LAMP1: variants seen among roughly 807,000 people sequenced by gnomAD.
LAMP1 encodes the protein lysosome-associated membrane glycoprotein 1.
Under a neutral mutation model 37.5 loss-of-function variants are expected in LAMP1, and 7 were observed. The observed-to-expected ratio is 0.19, with a 90% CI of 0.11 to 0.35. The LOEUF is 0.35. LAMP1 is among the 10% of genes least tolerant of loss of function. LAMP1 has a pLI of 1.00. For missense variants in LAMP1, 537 were observed against 552.8 expected, an observed-to-expected ratio of 0.97 and a Z score of 0.29; for synonymous variants, 236 against 229.1, an observed-to-expected ratio of 1.03 and a Z score of -0.27.
chr13:113,312,905 T>C (rs908367968), intron 4 of LAMP1, among the ~76,000 whole-genome samples: 1 of 152,112 alleles, frequency 6.6e-6, no homozygotes, highest in Non-Finnish European at 1.5e-5. Flanking sequence ...TGGGGGTGAC[T>C]AGTGTTCACG....
intron 4 of LAMP1, among the ~76,000 whole-genome samples, 170 bp downstream of exon 4, chr13:113,311,037 G>A (rs968843212): frequency 6.6e-6 from 1 of 152,172 alleles, no homozygotes; most frequent in African/African-American, 2.4e-5. Flanking sequence ...CCTAGGGCAG[G>A]TGACTTGTAG....
At chr13:113,311,576 G>T (rs904396254) in intron 4 of LAMP1, among the ~76,000 whole-genome samples, 1 of 152,162 alleles carries the variant, frequency 6.6e-6, no homozygotes, top group African/African-American at 2.4e-5. Flanking sequence ...AGGGACAGGT[G>T]CAGAAAGACC....
intron 4 of LAMP1, among the ~76,000 whole-genome samples, chr13:113,319,251 A>G (rs1043316442): frequency 5.3e-5 from 8 of 152,156 alleles, no homozygotes; most frequent in African/African-American, 1.9e-4. Context: ...AGGGTGCCCC[A>G]CGGGCCTGTG....
rs2042599127 is a variant in LAMP1 at position 113,306,503 on chromosome 13, C to T, written c.80C>T (p.Ser27Leu). The change falls in exon 2 of 9, where the codon TCA becomes TTA. Residue 27 changes from serine (S) to leucine (L), a missense_variant. Transcript: ENST00000332556. ...LLLLGLMHCA[S>L]AAMFMVKNGN... ...TTGACAGGCCTCATGCATTGTGCGT[C>T]AGCAGCAATGTTTATGGTGAAAAAT... is the stretch of plus-strand genomic sequence containing the variant. 6.2e-7 allele frequency: 1 copy of T among 1,613,888 alleles called. No homozygotes were observed.
At position 113,321,078 on chromosome 13, in the gene LAMP1, G is replaced by T. The variant is rs2042696423; in HGVS notation, c.877-326G>T. ...CACCTGTGGTCCCAGCTACTTGGGA[G>T]GCTGAGGTGGGAGGATCACTTGAGC... On this transcript the variant is annotated intron_variant, in intron 6 of 8. Coordinates refer to ENST00000332556, the MANE Select transcript of LAMP1 (RefSeq NM_005561.4). This position sits in a 1 kb window ranked among gnomAD's most constrained non-coding sequence, Gnocchi z 5.6. 1 of 341,300 alleles carries T rather than the reference G, an allele frequency of 2.9e-6. No individual in the cohort carries two copies. The allele number at this position is 341,300 out of a possible 1,614,324, so 21.1% of individuals were successfully genotyped here.
chr13:113,321,610 G>C lies in LAMP1; in HGVS notation c.997G>C (p.Gly333Arg). The C allele has an allele frequency of 1.9e-6, 3 of 1,614,148 alleles. No individual in the cohort carries two copies. The East Asian group carries it at 6.7e-5, about 36-fold the overall frequency. The change falls in exon 8 of 9, where the codon GGC becomes CGC. Residue 333 changes from glycine (G) to arginine (R), a missense_variant. Gly to Arg is a moderately radical substitution (Grantham distance 125). Coordinates refer to ENST00000332556, the MANE Select transcript of LAMP1 (RefSeq NM_005561.4). This position sits in a 1 kb window ranked among gnomAD's most constrained non-coding sequence, Gnocchi z 5.6. ...GSLRALQATV[G>R]NSYKCNAEEH... Reference sequence around the variant, plus strand: ...CCTGCGAGCGCTGCAGGCCACAGTCGGCAATTCCTACAAGTGCAACGCGGA... The same window carrying C: ...CCTGCGAGCGCTGCAGGCCACAGTCCGCAATTCCTACAAGTGCAACGCGGA...
chr13:113,322,429 C>G lies in LAMP1; in HGVS notation c.*8C>G, dbSNP rs758043762. ...GGCTACCAGACTATCTAGCCTGGTG[C>G]ACGCAGGCACAGCAGCTGCAGGGGC... On this transcript the variant is annotated 3_prime_UTR_variant, in exon 9 of 9. Coordinates refer to ENST00000332556, the MANE Select transcript of LAMP1 (RefSeq NM_005561.4). The G allele has an allele frequency of 6.2e-7, 1 of 1,600,892 alleles. No individual in the cohort carries two copies. Among genetic ancestry groups the G allele is most frequent in the African/African-American group, 1.3e-5 (1 of 74,628 alleles).
chr13:113,299,811 G>A (rs1168023382), intron 1 of LAMP1, among the ~76,000 whole-genome samples: 2 of 151,340 alleles, frequency 1.3e-5, no homozygotes, highest in African/African-American at 4.9e-5. Flanking sequence ...TGATCCACCT[G>A]CCTCAGACTC....
At chr13:113,317,251 G>A (rs766947982) in intron 4 of LAMP1, among the ~76,000 whole-genome samples, 24 of 152,106 alleles carry the variant, frequency 1.6e-4, no homozygotes, top group African/African-American at 2.2e-4. Flanking sequence ...ATCTCCCCCC[G>A]GGCAGCGCAG....
At chr13:113,311,109 G>A in intron 4 of LAMP1, among the ~76,000 whole-genome samples, 1 of 152,182 alleles carries the variant, frequency 6.6e-6, no homozygotes, top group East Asian at 1.9e-4. Flanking sequence ...TCCCGGGACA[G>A]AGACAGATGT....
chr13:113,306,415 G>A (rs1487425241), intron 1 of LAMP1, 70 bp from the exon 2 acceptor site: 10 of 1,538,592 alleles, frequency 6.5e-6, no homozygotes, highest in Non-Finnish European at 8.9e-6. Context: ...TACAGCTGTG[G>A]AAAATGGAAA....
In LAMP1 at chr13:113,301,858, C is replaced by CTTTTTTTTTTTTTTT. The variant is rs539321614; in HGVS notation, c.61+4371_61+4385dup. Among the ~76,000 whole-genome samples the CTTTTTTTTTTTTTTT allele has an allele frequency of 1.2e-4, 9 of 74,314 alleles. 1 individual carries two copies. Among genetic ancestry groups the CTTTTTTTTTTTTTTT allele is most frequent in the Admixed American group, 7.4e-4 (4 of 5,442 alleles). 48.8% of individuals were successfully genotyped at this position (74,314 alleles called of 152,430 possible). A position where few individuals can be genotyped will look rare whatever the true frequency, so the allele number is the denominator to read the frequency against. ...GCCAAGAAAAACTAAGATGTGATTT[C>CTTTTTTTTTTTTTTT]TTTTTTTTTTTTTTTTTTTTTTGAG... On this transcript the variant is annotated intron_variant, in intron 1 of 8. Transcript: ENST00000332556.
intron 4 of LAMP1, among the ~76,000 whole-genome samples, chr13:113,313,461 G>T (rs1283491675): frequency 6.6e-6 from 1 of 152,220 alleles, no homozygotes; most frequent in Non-Finnish European, 1.5e-5. Context: ...ATTCCAAATG[G>T]AAAAAGGCCC....
At position 113,306,541 on chromosome 13, in the gene LAMP1, G is replaced by A. The variant is rs768499433; in HGVS notation, c.118G>A (p.Ala40Thr). 30 of 1,613,942 alleles carry A rather than the reference G, an allele frequency of 1.9e-5. No homozygotes were observed. Among genetic ancestry groups the A allele is most frequent in the East Asian group, 4.5e-5 (2 of 44,888 alleles). ...MFMVKNGNGT[A>T]CIMANFSAAF... ...TATGGTGAAAAATGGCAACGGGACC[G>A]CGTGCATAATGGCCAACTTCTCTGC... is the stretch of plus-strand genomic sequence containing the variant. The change falls in exon 2 of 9, where the codon GCG becomes ACG. Residue 40 changes from alanine (A) to threonine (T), a missense_variant. By Grantham distance (58) the Ala-to-Thr change is moderately conservative. Coordinates refer to ENST00000332556, the MANE Select transcript of LAMP1 (RefSeq NM_005561.4).
At chr13:113,314,439 C>G (rs1257864214) in intron 4 of LAMP1, among the ~76,000 whole-genome samples, 6 of 68,512 alleles carry the variant, frequency 8.8e-5, no homozygotes, top group African/African-American at 2.4e-4. Context: ...TGGAGATGCC[C>G]GTGTGCCTGG....
At position 113,301,641 on chromosome 13, in the gene LAMP1, AAAAATATATATATATAT is replaced by A. The variant is rs1385262034; in HGVS notation, c.61+4148_61+4164del. On this transcript the variant is annotated intron_variant, in intron 1 of 8. Transcript: ENST00000332556. ...CTGTTTCCATTTAAAAAAAAAAAAA[AAAAATATATATATATAT>A]ATATATATATATATATATATATATA... 1.5e-3 allele frequency among the ~76,000 whole-genome samples: 45 copies of A among 30,424 alleles called. 1 individual carries two copies. The highest frequency in any genetic ancestry group is 6.8e-3 in the African/African-American group (42 of 6,148). The allele number at this position is 30,424 out of a possible 152,430, so 20.0% of individuals were successfully genotyped here.
intron 2 of LAMP1, among the ~76,000 whole-genome samples, chr13:113,307,742 G>A (rs1209418333): frequency 6.7e-6 from 1 of 149,970 alleles, no homozygotes; most frequent in African/African-American, 2.5e-5. Flanking sequence ...AAAGCCTTTT[G>A]GAATAACAAA....
rs2139364229 is a variant in LAMP1, at chr13:113,309,636, A to G, written c.184-7A>G. Reference sequence around the variant, plus strand: ...AATTGGGTTACATTTAATTGTGTTTATTCTAGAACATGACCTTTGACCTGC... The same window carrying G: ...AATTGGGTTACATTTAATTGTGTTTGTTCTAGAACATGACCTTTGACCTGC... On this transcript the variant is annotated splice_polypyrimidine_tract_variant and splice_region_variant and intron_variant, in intron 2 of 8. Transcript: ENST00000332556. 4 of 1,605,580 alleles carry G rather than the reference A, an allele frequency of 2.5e-6. No individual in the cohort carries two copies. Among genetic ancestry groups the G allele is most frequent in the African/African-American group, 1.3e-5 (1 of 74,816 alleles).
Position 113,321,514 on chromosome 13 carries a change from C to T in LAMP1, c.944-43C>T. 1.2e-6 allele frequency: 2 copies of T among 1,613,972 alleles called. No individual in the cohort carries two copies. The highest frequency in any genetic ancestry group is 1.7e-6 in the Non-Finnish European group (2 of 1,179,824). On this transcript the variant is annotated intron_variant, in intron 7 of 8. Transcript: ENST00000332556. The surrounding 1 kb of genome is among the most constrained non-coding windows in gnomAD (Gnocchi z 5.6). ...TGCGAGCCCCGCCCCCGCCCGCGCG[C>T]CCAGGGTATTCTGGAGCCACTAGAC...
Sources: allele counts gnomAD v4.1 joint callset (sites outside exome capture counted in the v4.1 genomes callset), GRCh38; gene constraint gnomAD v4.1.1; non-coding constraint Gnocchi (gnomAD v3.1); transcripts MANE v1.5; gene names NCBI Gene and HGNC (gene_info 2026-07-23, HGNC 2026-07-21).